PRKCB: variants seen among roughly 807,000 people sequenced by gnomAD.
PRKCB encodes protein kinase C beta, also known as protein kinase C beta type.
Under a neutral mutation model 81.5 loss-of-function variants are expected in PRKCB, and 13 were observed. The ratio of observed to expected loss-of-function variants is 0.16; its 90% CI spans 0.10 to 0.25. PRKCB has a LOEUF of 0.25. PRKCB is among the 10% of genes least tolerant of loss of function. PRKCB has a pLI of 1.00. For missense variants in PRKCB, 509 were observed against 875.7 expected (o/e 0.58, Z 5.29); for synonymous variants, 335 against 321.4 (o/e 1.04, Z -0.45).
intron 8 of PRKCB, among the ~76,000 whole-genome samples, chr16:24,115,284 G>A (rs1656345957): frequency 1.4e-5 from 2 of 142,224 alleles, no homozygotes; most frequent in African/African-American, 5.3e-5. Context: ...TTTATCCCAA[G>A]AGCATTTATC....
intron 2 of PRKCB, among the ~76,000 whole-genome samples, chr16:23,955,358 G>A (rs1019182509): frequency 2.0e-5 from 3 of 152,012 alleles, no homozygotes; most frequent in East Asian, 1.9e-4. Context: ...TCACTTTTCC[G>A]ACAGTTCTTT....
intron 2 of PRKCB, among the ~76,000 whole-genome samples, chr16:23,936,717 C>A (rs913280055): frequency 2.0e-5 from 3 of 151,512 alleles, no homozygotes; most frequent in Admixed American, 6.6e-5. Flanking sequence ...GAGCCTGGCC[C>A]AAGTATTCAT....
chr16:23,837,359 C>T lies in PRKCB; in HGVS notation c.174-16C>T. ...CCCCCGGGCTGCCTGACATACACCT[C>T]CTTCTGCTTTTGCAGGGGCTTCGGG... On this transcript the variant is annotated splice_polypyrimidine_tract_variant and intron_variant, in intron 1 of 16. Transcript: ENST00000643927. 1 of 1,613,572 alleles carries T rather than the reference C, an allele frequency of 6.2e-7. No homozygotes were observed. Among genetic ancestry groups the T allele is most frequent in the Non-Finnish European group, 8.5e-7 (1 of 1,179,842 alleles).
At chr16:24,171,883 G>A (rs1967445895) in intron 10 of PRKCB, among the ~76,000 whole-genome samples, 2 of 152,116 alleles carry the variant, frequency 1.3e-5, no homozygotes, top group African/African-American at 4.8e-5. Context: ...ACAGGTGCCT[G>A]CCACCACGAT....
intron 9 of PRKCB, among the ~76,000 whole-genome samples, chr16:24,136,116 C>A (rs1166500497): frequency 6.8e-6 from 1 of 147,598 alleles, no homozygotes; most frequent in Non-Finnish European, 1.5e-5. Context: ...TTTTTTTTGC[C>A]AACTCATCTT....
intron 5 of PRKCB, among the ~76,000 whole-genome samples, chr16:24,046,905 A>G (rs561698011): frequency 6.6e-6 from 1 of 152,342 alleles, no homozygotes; most frequent in African/African-American, 2.4e-5. Flanking sequence ...AGGAGAAAAC[A>G]GAGCCTTGAA....
chr16:23,845,000 C>G (rs1962343517), intron 2 of PRKCB, among the ~76,000 whole-genome samples: 1 of 152,176 alleles, frequency 6.6e-6, no homozygotes, highest in Non-Finnish European at 1.5e-5. Context: ...CAGGGTTTCA[C>G]CATGCTGGCC....
intron 2 of PRKCB, among the ~76,000 whole-genome samples, chr16:23,916,921 G>A (rs1342269530): frequency 1.0e-5 from 1 of 97,208 alleles, no homozygotes; most frequent in African/African-American, 4.3e-5. Flanking sequence ...CACCATGACT[G>A]GCTGATTTTT....
intron 9 of PRKCB, among the ~76,000 whole-genome samples, chr16:24,129,198 A>G (rs1471059962): frequency 6.6e-6 from 1 of 152,180 alleles, no homozygotes; most frequent in South Asian, 2.1e-4. Flanking sequence ...TCTTTAAAAA[A>G]TAGTATGCAG....
At chr16:23,899,509 T>G (rs1465234720) in intron 2 of PRKCB, among the ~76,000 whole-genome samples, 2 of 152,262 alleles carry the variant, frequency 1.3e-5, no homozygotes, top group South Asian at 2.1e-4. Context: ...ATCTCAGCAT[T>G]CAAGAAGCCC....
rs185067687 is a variant in PRKCB, at chr16:23,898,796, G to A, written c.205+61390G>A. ...TGGCAACTACTACTGAAGGAGGACC[G>A]CCTATTTGCCAGGGACCATGCGATC... On this transcript the variant is annotated intron_variant, in intron 2 of 16. Transcript: ENST00000643927. Among the ~76,000 whole-genome samples, 235 of 152,222 alleles carry A rather than the reference G, an allele frequency of 1.5e-3. 5 individuals are homozygous for A. The highest frequency in any genetic ancestry group is 0.013 in the Admixed American group (198 of 15,286).
chr16:24,094,425 T>G, intron 7 of PRKCB, 128 bp downstream of exon 7: 1 of 1,258,496 alleles, frequency 7.9e-7, no homozygotes, highest in Non-Finnish European at 1.1e-6. Context: ...TCTGGTTGAT[T>G]GGATCTGCCT....
At chr16:23,897,823 T>C (rs1963403377) in intron 2 of PRKCB, among the ~76,000 whole-genome samples, 1 of 151,938 alleles carries the variant, frequency 6.6e-6, no homozygotes, top group Non-Finnish European at 1.5e-5. Flanking sequence ...TTTCCCTCTC[T>C]CCCATCCATC....
At chr16:24,152,258 AC>A (rs1967091452) in intron 9 of PRKCB, among the ~76,000 whole-genome samples, 1 of 152,068 alleles carries the variant, frequency 6.6e-6, no homozygotes. Context: ...GAAAGGGGAA[AC>A]CCCTTATAAA....
intron 9 of PRKCB, 68 bp from the exon 10 acceptor site, chr16:24,154,616 C>A: frequency 6.6e-7 from 1 of 1,510,192 alleles, no homozygotes; most frequent in Non-Finnish European, 9.1e-7. Context: ...TACAAATGAA[C>A]ACCAGCTGCT....
At chr16:23,843,934 CTCTG>C (rs1445107416) in intron 2 of PRKCB, among the ~76,000 whole-genome samples, 2 of 152,028 alleles carry the variant, frequency 1.3e-5, no homozygotes, top group Admixed American at 6.6e-5. Flanking sequence ...ATCCTTCTGT[CTCTG>C]TCTCTTTGTT....
intron 2 of PRKCB, among the ~76,000 whole-genome samples, chr16:23,876,958 T>C (rs761431915): frequency 7.0e-6 from 1 of 143,788 alleles, no homozygotes; most frequent in Non-Finnish European, 1.5e-5. Flanking sequence ...CTGATTAATG[T>C]AAGCAAAAAA....
In PRKCB at chr16:24,071,436, T is replaced by TAAAAAAAAA. The variant is rs398042091; in HGVS notation, c.530-21337_530-21329dup. Among the ~76,000 whole-genome samples, 198 of 57,280 alleles carry TAAAAAAAAA rather than the reference T, an allele frequency of 3.5e-3. 6 individuals carry two copies. The highest frequency in any genetic ancestry group is 0.011 in the Middle Eastern group (1 of 88). The allele number at this position is 57,280 out of a possible 152,430, so 37.6% of individuals were successfully genotyped here. ...CTGGGTAACATGGTGAGACCCTGTC[T>TAAAAAAAAA]AAAAAAAAAAAAAAAAAAAAAAAAA... On this transcript the variant is annotated intron_variant, in intron 5 of 16. Transcript: ENST00000643927.
intron 2 of PRKCB, among the ~76,000 whole-genome samples, chr16:23,933,735 A>G (rs542353589): frequency 2.1e-5 from 3 of 141,620 alleles, no homozygotes; most frequent in South Asian, 4.5e-4. Context: ...CTATCCATCC[A>G]TCCATTCGTC....
Sources: gnomAD v4.1 joint callset for allele counts (sites outside exome capture counted in the v4.1 genomes callset) on GRCh38, gnomAD v4.1.1 for gene constraint, MANE v1.5 for transcripts, NCBI Gene and HGNC (gene_info 2026-07-23, HGNC 2026-07-21) for gene names.